Variants in PRUNE2 observed in about 807,000 individuals in gnomAD.
PRUNE2 encodes the protein protein prune homolog 2.
Under a neutral mutation model 252.0 loss-of-function variants are expected in PRUNE2, and 164 were observed. The ratio of observed to expected loss-of-function variants is 0.65; its 90% confidence interval spans 0.57 to 0.74. The LOEUF is 0.74. Ranked by LOEUF, PRUNE2 falls within the 30% of genes least tolerant of loss-of-function variation. The probability of loss-of-function intolerance (pLI) is 0.00; values close to 1 mark genes in which losing one functional copy is unlikely to be tolerated. For missense variants in PRUNE2, 3,495 were observed against 3,711.0 expected, an observed-to-expected ratio of 0.94 and a Z score of 1.51; for synonymous variants, 1,292 against 1,350.2, an observed-to-expected ratio of 0.96 and a Z score of 0.94.
At chr9:76,639,895 A>G (rs933030335) in intron 12 of PRUNE2, among the ~76,000 whole-genome samples, 3 of 152,308 alleles carry the variant, frequency 2.0e-5, no homozygotes, top group South Asian at 2.1e-4. Flanking sequence ...AAGCTCTGGC[A>G]TAATTTTGGA....
chr9:76,843,563 C>A (rs561173943), intron 4 of PRUNE2, among the ~76,000 whole-genome samples: 2 of 152,156 alleles, frequency 1.3e-5, no homozygotes, highest in South Asian at 2.1e-4. Flanking sequence ...ATAAAGAGAA[C>A]CCTTTCTAAA....
intron 6 of PRUNE2, among the ~76,000 whole-genome samples, chr9:76,721,743 T>C (rs1200990980): frequency 1.3e-5 from 2 of 152,212 alleles, no homozygotes; most frequent in African/African-American, 4.8e-5. Context: ...AGAGTACAGT[T>C]TGACATTTAC....
rs570004232 is a variant in PRUNE2 at position 76,741,824 on chromosome 9, G to A, written c.757-28103C>T. Among the ~76,000 whole-genome samples the A allele has an allele frequency of 1.1e-4, 16 of 152,218 alleles. No homozygotes were observed. In the East Asian group the frequency reaches 2.7e-3, roughly 26 times the overall value. On this transcript the variant is annotated intron_variant, in intron 6 of 18. Coordinates refer to ENST00000376718, the MANE Select transcript of PRUNE2 (RefSeq NM_015225.3). ...GCCTCCTTGCAACACATTTTCCTACGTTCTCTACTAAATCTGCCTTTCTCT... is the reference window on the plus strand; with the variant it reads ...GCCTCCTTGCAACACATTTTCCTACATTCTCTACTAAATCTGCCTTTCTCT...
Position 76,706,135 on chromosome 9 carries a change from TA to T in PRUNE2, c.6138del (p.Thr2047ProfsTer26). ...CCATGTAAAATATCTGGCACAAAGG[TA>T]CCTCGGGAGTCCTCACTTGGGGTAG... The part of the protein sequence containing the change: ...DGSTPSEDSR[G>X]TFVPDILHGN... On this transcript the variant is annotated frameshift_variant, in exon 8 of 19. Coordinates refer to ENST00000376718, the MANE Select transcript of PRUNE2 (RefSeq NM_015225.3). LOFTEE classifies it high-confidence loss of function. The T allele has an allele frequency of 1.2e-6, 2 of 1,613,980 alleles. No homozygotes were observed. Among genetic ancestry groups the T allele is most frequent in the Non-Finnish European group, 1.7e-6 (2 of 1,179,864 alleles).
At chr9:76,800,733 A>G (rs2056495710) in intron 6 of PRUNE2, among the ~76,000 whole-genome samples, 1 of 152,186 alleles carries the variant, frequency 6.6e-6, no homozygotes, top group South Asian at 2.1e-4. Context: ...ACCCCTGTTC[A>G]CCTGGATGGA....
rs200558146 is a variant in PRUNE2, at chr9:76,792,938, A to AT, written c.756+30693dup. ...TAGCAAGGTACTTCATTTTAATTAC[A>AT]TTTTCTCTAATGTCCTTGGTGTCCC... On this transcript the variant is annotated intron_variant, in intron 6 of 18. Transcript: ENST00000376718. 9.0e-3 allele frequency among the ~76,000 whole-genome samples: 1,372 copies of AT among 152,268 alleles called. 4 individuals are homozygous for AT. The highest frequency in any genetic ancestry group is 0.015 in the Non-Finnish European group (1,054 of 68,016).
At chr9:76,747,835 G>A (rs532310236) in intron 6 of PRUNE2, among the ~76,000 whole-genome samples, 62 of 147,784 alleles carry the variant, frequency 4.2e-4, no homozygotes, top group Non-Finnish European at 7.7e-4. Flanking sequence ...TTGCTCTGTC[G>A]CCCAGGCTGG....
intron 1 of PRUNE2, 118 bp downstream of exon 1, chr9:76,905,810 C>G (rs576658411): frequency 1.4e-5 from 18 of 1,326,048 alleles, no homozygotes; most frequent in Non-Finnish European, 1.6e-5. Context: ...AACCCGCACA[C>G]CCTGATAACT....
At chr9:76,755,773 G>A (rs1214232206) in intron 6 of PRUNE2, among the ~76,000 whole-genome samples, 6 of 152,204 alleles carry the variant, frequency 3.9e-5, no homozygotes, top group African/African-American at 1.4e-4. Flanking sequence ...CGCAATCTCG[G>A]CTCACTGCAG....
chr9:76,709,212 T>C lies in PRUNE2; in HGVS notation c.3062A>G (p.Asn1021Ser). The change falls in exon 8 of 19, where the codon AAT (asparagine) becomes AGT (serine). Residue 1021 changes from asparagine (N) to serine (S), a missense_variant. Coordinates refer to ENST00000376718, the MANE Select transcript of PRUNE2 (RefSeq NM_015225.3). ...PPQSLQQSSR[N>S]RISSGPGNLD... ...GTTCCCAGGACCTGAACTGATTCGA[T>C]TTCGAGATGACTGTTGCAGTGACTG... The C allele has an allele frequency of 3.1e-6, 5 of 1,613,980 alleles. No homozygotes were observed. In the South Asian group the frequency reaches 5.5e-5, roughly 18 times the overall value.
rs1459813092 is a variant in PRUNE2 at position 76,707,215 on chromosome 9, A to C, written c.5059T>G (p.Ser1687Ala). ...DARVISTSSGSDDDSVGGEES... is the reference protein window; with the variant it reads ...DARVISTSSGADDDSVGGEES... ...TCACCACCGACACTGTCATCATCAG[A>C]ACCTGAGCTTGTTGAAATGACCCTG... The change falls in exon 8 of 19, where the codon TCT (serine) becomes GCT (alanine). Residue 1687 changes from serine to alanine, a missense_variant. By Grantham distance (99) the Ser-to-Ala change is moderately conservative. Coordinates refer to ENST00000376718, the MANE Select transcript of PRUNE2 (RefSeq NM_015225.3). 1.2e-6 allele frequency: 2 copies of C among 1,613,884 alleles called. No individual in the cohort carries two copies.
intron 4 of PRUNE2, 111 bp downstream of exon 4, chr9:76,846,404 G>A (rs967784766): frequency 1.1e-5 from 10 of 870,330 alleles, no homozygotes; most frequent in African/African-American, 5.0e-5. Context: ...GCTTCCCGTG[G>A]TCTTTAAAGA....
rs2046558227 is a variant in PRUNE2 at position 76,709,505 on chromosome 9, C to G, written c.2769G>C (p.Glu923Asp). ...CTGACCCTCCTTTCTTCATATTCTC[C>G]TCAAAAAGGTTCCAGGAATCTACCT... ...YEKVDSWNLFEENMKKGGSDV... is the reference protein window; with the variant it reads ...YEKVDSWNLFDENMKKGGSDV... The change falls in exon 8 of 19, where the codon GAG (glutamate) becomes GAC (aspartate). Residue 923 changes from glutamate to aspartate, a missense_variant. Transcript: ENST00000376718. 6.2e-7 allele frequency: 1 copy of G among 1,613,992 alleles called. No homozygotes were observed.
chr9:76,768,526 G>A (rs536897), intron 6 of PRUNE2, among the ~76,000 whole-genome samples: 70,019 of 151,182 alleles, frequency 0.46, 16,789 homozygotes, highest in East Asian at 0.67. Flanking sequence ...GTCTGCAGCC[G>A]CACCTAGAAC....
At chr9:76,616,412 G>A (rs1293268580) in intron 18 of PRUNE2, among the ~76,000 whole-genome samples, 1 of 152,150 alleles carries the variant, frequency 6.6e-6, no homozygotes, top group Non-Finnish European at 1.5e-5. Flanking sequence ...TCCCATAGAT[G>A]AAGAGAATAT....
At chr9:76,732,605 T>C (rs1389669406) in intron 6 of PRUNE2, among the ~76,000 whole-genome samples, 8 of 152,240 alleles carry the variant, frequency 5.3e-5, no homozygotes, top group Non-Finnish European at 1.2e-4. Context: ...CTGATTAACT[T>C]AAGAATGTGT....
chr9:76,730,893 C>T (rs1164288118), intron 6 of PRUNE2, among the ~76,000 whole-genome samples: 2 of 152,160 alleles, frequency 1.3e-5, no homozygotes, highest in Non-Finnish European at 2.9e-5. Flanking sequence ...CAGAGCTAGA[C>T]TCCGTCTCAA....
rs2046231328 is a variant in PRUNE2, at chr9:76,705,281, C to CG, written c.6992dup (p.Pro2332AlafsTer3). 6.2e-7 allele frequency: 1 copy of CG among 1,613,922 alleles called. No homozygotes were observed. Among genetic ancestry groups the CG allele is most frequent in the Admixed American group, 1.7e-5 (1 of 60,016 alleles). ...GCTTCCCTAGGTCCCCATCAACTGG[C>CG]GTTTCCGGATGGCCTTCGGATAATG... On this transcript the variant is annotated frameshift_variant, in exon 8 of 19. Transcript: ENST00000376718. LOFTEE classifies it high-confidence loss of function.
chr9:76,700,980 C>T (rs1203983336), intron 9 of PRUNE2, among the ~76,000 whole-genome samples: 4 of 152,214 alleles, frequency 2.6e-5, no homozygotes, highest in African/African-American at 9.6e-5. Context: ...AAATATTACA[C>T]TGCTATCTAC....
Sources: allele counts gnomAD v4.1 joint callset (sites outside exome capture counted in the v4.1 genomes callset), GRCh38; gene constraint gnomAD v4.1.1; transcripts MANE v1.5; gene names NCBI Gene and HGNC (gene_info 2026-07-23, HGNC 2026-07-21).